Variants in ARMH3 observed in about 807,000 individuals in gnomAD.
The protein encoded by ARMH3 is armadillo-like helical domain-containing protein 3.
ARMH3 carries 60 observed loss-of-function variants against 99.1 expected under a neutral mutation model. The observed-to-expected ratio is 0.61, with a 90% CI of 0.49 to 0.75. The LOEUF (loss-of-function observed/expected upper bound fraction) is 0.75. ARMH3 is among the 30% of genes least tolerant of loss of function. ARMH3 has a pLI of 0.00. For missense variants in ARMH3, 679 were observed against 843.1 expected, an observed-to-expected ratio of 0.81 and a Z score of 2.41; for synonymous variants, 285 against 292.8, an observed-to-expected ratio of 0.97 and a Z score of 0.27.
At chr10:101,980,224 T>C (rs1416299478) in intron 19 of ARMH3, among the ~76,000 whole-genome samples, 1 of 152,198 alleles carries the variant, frequency 6.6e-6, no homozygotes, top group East Asian at 1.9e-4. Flanking sequence ...ATAAAGTTCC[T>C]AGAAAACTGA....
chr10:102,041,552 T>C (rs2067426656), intron 1 of ARMH3, among the ~76,000 whole-genome samples: 1 of 152,204 alleles, frequency 6.6e-6, no homozygotes, highest in African/African-American at 2.4e-5. Context: ...TCTTAGACAT[T>C]GTCCTTCTCT....
intron 1 of ARMH3, among the ~76,000 whole-genome samples, chr10:102,053,660 ATT>A (rs773324618): frequency 9.1e-5 from 13 of 143,078 alleles, no homozygotes; most frequent in Admixed American, 2.8e-4. Context: ...CACTGTATAA[ATT>A]TTTTTTTTTT....
At position 101,985,308 on chromosome 10, in the gene ARMH3, GTA is replaced by G. The variant is rs763310964; in HGVS notation, c.1406+5241_1406+5242del. ...CGTATATACACACGTATATATACAT[GTA>G]TATACATATATATATACAGATCGCA... On this transcript the variant is annotated intron_variant, in intron 19 of 25. Transcript: ENST00000370033. 1.3e-3 allele frequency among the ~76,000 whole-genome samples: 127 copies of G among 99,522 alleles called. 1 individual carries two copies. Among genetic ancestry groups the G allele is most frequent in the Non-Finnish European group, 1.8e-3 (81 of 43,926 alleles). The allele number at this position is 99,522 out of a possible 152,430, so 65.3% of individuals were successfully genotyped here.
intron 19 of ARMH3, among the ~76,000 whole-genome samples, chr10:101,983,188 T>G (rs1846308161): frequency 6.6e-6 from 1 of 152,234 alleles, no homozygotes; most frequent in South Asian, 2.1e-4. Context: ...CAAGGCATGA[T>G]TAGCGAGCTG....
intron 4 of ARMH3, among the ~76,000 whole-genome samples, chr10:102,030,431 G>A (rs189291660): frequency 2.0e-5 from 3 of 152,126 alleles, no homozygotes; most frequent in Non-Finnish European, 4.4e-5. Flanking sequence ...TTTTGGGGCC[G>A]GACGCAGTGG....
chr10:101,886,271 T>C (rs1172391845), intron 24 of ARMH3, among the ~76,000 whole-genome samples: 2 of 151,886 alleles, frequency 1.3e-5, no homozygotes, highest in Non-Finnish European at 2.9e-5. Flanking sequence ...GCCAGCACTT[T>C]GGGAGGCTAA....
At chr10:102,044,105 T>C (rs1350748562) in intron 1 of ARMH3, among the ~76,000 whole-genome samples, 2 of 141,976 alleles carry the variant, frequency 1.4e-5, no homozygotes, top group African/African-American at 2.6e-5. Flanking sequence ...TTTTTTTTTT[T>C]TTTTTGGAGA....
At chr10:101,966,478 G>T (rs564754400) in intron 20 of ARMH3, among the ~76,000 whole-genome samples, 5 of 151,552 alleles carry the variant, frequency 3.3e-5, no homozygotes, top group Non-Finnish European at 5.9e-5. Flanking sequence ...GGCTCCACCA[G>T]GCTGGTCTCG....
chr10:101,900,432 A>G (rs2067945731), intron 23 of ARMH3, among the ~76,000 whole-genome samples: 1 of 152,194 alleles, frequency 6.6e-6, no homozygotes, highest in Admixed American at 6.5e-5. Flanking sequence ...ACCTAAGAGG[A>G]ATTCTGAAGC....
At chr10:102,023,885 T>C in intron 6 of ARMH3, 136 bp from the exon 7 acceptor site, 1 of 796,328 alleles carries the variant, frequency 1.3e-6, no homozygotes, top group Non-Finnish European at 2.0e-6. Flanking sequence ...CTTTCACAAG[T>C]GCCCCTTAAG....
intron 4 of ARMH3, among the ~76,000 whole-genome samples, chr10:102,030,855 G>A (rs1422740817): frequency 3.3e-5 from 5 of 151,870 alleles, no homozygotes; most frequent in Non-Finnish European, 5.9e-5. Context: ...GAGTGATCCC[G>A]CCTCACTGCA....
chr10:102,006,292 T>C (rs917815215), intron 14 of ARMH3, among the ~76,000 whole-genome samples: 1 of 152,362 alleles, frequency 6.6e-6, no homozygotes, highest in Middle Eastern at 3.4e-3. Context: ...TAGCACTCCA[T>C]GCCTCTACAA....
In ARMH3 at chr10:101,909,459, TC is replaced by T. The variant is rs1230866290; in HGVS notation, c.1782-19970del. Among the ~76,000 whole-genome samples, 98 of 120,592 alleles carry T rather than the reference TC, an allele frequency of 8.1e-4. 1 individual carries two copies. Among genetic ancestry groups the T allele is most frequent in the Non-Finnish European group, 1.4e-3 (85 of 60,722 alleles). The allele number at this position is 120,592 out of a possible 152,430, so 79.1% of individuals were successfully genotyped here. On this transcript the variant is annotated intron_variant, in intron 23 of 25. Transcript: ENST00000370033. ...ACCAGAGGAAGGTATGTTGCAAGCT[TC>T]CTCTTTTTTTTTTTTTTTTTTTTTT...
intron 1 of ARMH3, 109 bp from the exon 2 acceptor site, chr10:102,040,234 G>T: frequency 1.1e-6 from 1 of 876,946 alleles, no homozygotes. Context: ...ACAACACCAA[G>T]AGTGAATCCT....
chr10:101,850,579 C>T (rs536204406), intron 24 of ARMH3, among the ~76,000 whole-genome samples: 1 of 151,940 alleles, frequency 6.6e-6, no homozygotes. Context: ...TGTGTGCCAT[C>T]ATGCCCGGCT....
In ARMH3 at chr10:101,935,174, AATAT is replaced by A. The variant is rs5787448; in HGVS notation, c.1781+4685_1781+4688del. Among the ~76,000 whole-genome samples the A allele has an allele frequency of 1.0e-2, 1,170 of 117,044 alleles. 43 individuals are homozygous for A. The highest frequency in any genetic ancestry group is 0.033 in the African/African-American group (1,028 of 31,394). 76.8% of individuals were successfully genotyped at this position (117,044 alleles called of 152,430 possible). ...AGAAGCGGAATCTCAAAGGTGGAGC[AATAT>A]ATATATATATATATATATATACATT... is the stretch of plus-strand genomic sequence containing the variant. On this transcript the variant is annotated intron_variant, in intron 23 of 25. Coordinates refer to ENST00000370033, the MANE Select transcript of ARMH3 (RefSeq NM_024541.3).
intron 24 of ARMH3, among the ~76,000 whole-genome samples, chr10:101,883,986 TCA>T (rs140583795): frequency 4.9e-4 from 71 of 144,932 alleles, no homozygotes; most frequent in Admixed American, 1.3e-3. Flanking sequence ...GAGGGAGATC[TCA>T]CACACACACA....
At chr10:102,016,093 T>C (rs2066744477) in intron 8 of ARMH3, among the ~76,000 whole-genome samples, 1 of 152,218 alleles carries the variant, frequency 6.6e-6, no homozygotes, top group Non-Finnish European at 1.5e-5. Context: ...TGTGATCACG[T>C]CCTTCCACTC....
chr10:102,010,063 G>T (rs983063019), intron 11 of ARMH3, 40 bp from the exon 12 acceptor site: 18 of 1,584,016 alleles, frequency 1.1e-5, no homozygotes, highest in Non-Finnish European at 1.4e-5. Context: ...ATAGCAGGAG[G>T]ATATGAGAGG....
Sources: allele counts gnomAD v4.1 joint callset (sites outside exome capture counted in the v4.1 genomes callset), GRCh38; gene constraint gnomAD v4.1.1; transcripts MANE v1.5; gene names NCBI Gene and HGNC (gene_info 2026-07-23, HGNC 2026-07-21).